The following PBRM1 variants were observed in gnomAD, a reference collection of about 807,000 sequenced individuals.
The protein encoded by PBRM1 is polybromo 1.
In PBRM1, 27 loss-of-function variants were observed where a neutral mutation model predicts 194.5. That is an observed-to-expected ratio of 0.14 (90% confidence interval 0.10 to 0.19). PBRM1 has a LOEUF of 0.19. PBRM1 is among the 10% of genes least tolerant of loss of function. The probability of loss-of-function intolerance (pLI) is 1.00; values close to 1 mark genes in which losing one functional copy is unlikely to be tolerated. For missense variants in PBRM1, 1,466 were observed against 2,077.2 expected (o/e 0.71, Z 5.72); for synonymous variants, 655 against 693.2 (o/e 0.94, Z 0.87).
intron 5 of PBRM1, among the ~76,000 whole-genome samples, chr3:52,653,016 C>T (rs987073720): frequency 4.6e-5 from 7 of 152,014 alleles, no homozygotes; most frequent in Admixed American, 3.3e-4. Flanking sequence ...AACAAAAATT[C>T]TAAATTCACA....
chr3:52,595,740 T>C (rs1040173445), intron 17 of PBRM1, among the ~76,000 whole-genome samples: 8 of 152,220 alleles, frequency 5.3e-5, no homozygotes, highest in Non-Finnish European at 1.2e-4. Flanking sequence ...CAAGAAATTT[T>C]TGCCTAGTCC....
chr3:52,577,917 A>C (rs900507246), intron 21 of PBRM1, among the ~76,000 whole-genome samples: 13 of 152,106 alleles, frequency 8.5e-5, no homozygotes, highest in African/African-American at 1.2e-4. Flanking sequence ...AACTCAGTAA[A>C]AACCCAAATC....
chr3:52,675,435 T>C (rs1302656916), intron 2 of PBRM1, among the ~76,000 whole-genome samples: 1 of 152,214 alleles, frequency 6.6e-6, no homozygotes, highest in Non-Finnish European at 1.5e-5. Flanking sequence ...CAATATCCCT[T>C]ATGAATACTG....
intron 17 of PBRM1, among the ~76,000 whole-genome samples, chr3:52,591,942 T>C (rs899399122): frequency 6.9e-6 from 1 of 145,170 alleles, no homozygotes; most frequent in African/African-American, 2.6e-5. Flanking sequence ...TTCTCCTGCC[T>C]CAGCCTCCCA....
At chr3:52,582,805 C>CA in intron 20 of PBRM1, among the ~76,000 whole-genome samples, 1 of 151,822 alleles carries the variant, frequency 6.6e-6, no homozygotes, top group South Asian at 2.1e-4. Flanking sequence ...ACTGCTGGGT[C>CA]AAAGACACCG....
intron 2 of PBRM1, among the ~76,000 whole-genome samples, chr3:52,670,912 C>T (rs2096933293): frequency 6.6e-6 from 1 of 152,210 alleles, no homozygotes; most frequent in South Asian, 2.1e-4. Context: ...TATTTATTCT[C>T]CAGCCTCACT....
intron 16 of PBRM1, among the ~76,000 whole-genome samples, chr3:52,606,934 G>C (rs1035321206): frequency 6.6e-6 from 1 of 152,142 alleles, no homozygotes; most frequent in African/African-American, 2.4e-5. Flanking sequence ...CTCTTGTTAC[G>C]TCTCACTGTT....
intron 11 of PBRM1, among the ~76,000 whole-genome samples, chr3:52,632,478 A>G (rs2095650171): frequency 6.6e-6 from 1 of 152,108 alleles, no homozygotes; most frequent in South Asian, 2.1e-4. Context: ...GCTACTTGGG[A>G]GGCTGAGGCA....
upstream of PBRM1, among the ~76,000 whole-genome samples, chr3:52,682,439 A>C (rs547077399): frequency 6.6e-6 from 1 of 152,022 alleles, no homozygotes; most frequent in Admixed American, 6.5e-5. Context: ...TAAATAATCC[A>C]CTGAAAATCA....
chr3:52,572,148 C>T (rs1016607823), intron 22 of PBRM1, among the ~76,000 whole-genome samples: 1 of 148,086 alleles, frequency 6.8e-6, no homozygotes, highest in African/African-American at 2.5e-5. Context: ...AAAAAAGGCC[C>T]TTTTGTTTTT....
At chr3:52,612,957 A>G (rs939376045) in intron 15 of PBRM1, among the ~76,000 whole-genome samples, 4 of 152,038 alleles carry the variant, frequency 2.6e-5, no homozygotes, top group African/African-American at 9.7e-5. Context: ...ATAGAACTTA[A>G]TGAGAGTCTG....
chr3:52,589,977 C>T (rs2092857922), intron 17 of PBRM1, among the ~76,000 whole-genome samples: 1 of 151,790 alleles, frequency 6.6e-6, no homozygotes, highest in Non-Finnish European at 1.5e-5. Flanking sequence ...TACAGGCATG[C>T]ACCACCACGC....
At chr3:52,648,467 A>G (rs2153782849) in intron 6 of PBRM1, 25 bp from the exon 8 acceptor site, 1 of 1,269,774 alleles carries the variant, frequency 7.9e-7, no homozygotes, top group Non-Finnish European at 1.1e-6. Flanking sequence ...AAAATATAGC[A>G]GTTCCTTTTA....
chr3:52,591,511 G>GTTTTTTTTTTCT (rs2093043392), intron 17 of PBRM1, among the ~76,000 whole-genome samples: 1 of 71,842 alleles, frequency 1.4e-5, no homozygotes, highest in African/African-American at 5.5e-5. Context: ...TTTTGTCTTT[G>GTTTTTTTTTTCT]TTTTTTTTTT....
At chr3:52,635,221 C>T (rs1384196562) in intron 10 of PBRM1, among the ~76,000 whole-genome samples, 1 of 152,076 alleles carries the variant, frequency 6.6e-6, no homozygotes, top group African/African-American at 2.4e-5. Context: ...GCCACCACGC[C>T]TGGCCCTTTT....
At chr3:52,679,485 G>T in intron 1 of PBRM1, 89 bp downstream of exon 2, 1 of 1,176,424 alleles carries the variant, frequency 8.5e-7, no homozygotes, top group Non-Finnish European at 1.2e-6. Flanking sequence ...AAGTGGAGAT[G>T]CCTTGCATCG....
At chr3:52,591,098 G>A (rs1246997346) in intron 17 of PBRM1, among the ~76,000 whole-genome samples, 4 of 152,170 alleles carry the variant, frequency 2.6e-5, no homozygotes, top group Non-Finnish European at 4.4e-5. Flanking sequence ...AGTGATTTTT[G>A]TATACTGATT....
At chr3:52,634,516 T>C (rs1338891772) in intron 11 of PBRM1, 86 bp downstream of exon 12, 1 of 869,574 alleles carries the variant, frequency 1.1e-6, no homozygotes, top group Non-Finnish European at 1.9e-6. Context: ...TTTAATATCC[T>C]TATCCATTTT....
At chr3:52,614,604 T>C (rs1235984837) in intron 15 of PBRM1, among the ~76,000 whole-genome samples, 1 of 148,630 alleles carries the variant, frequency 6.7e-6, no homozygotes, top group Non-Finnish European at 1.5e-5. Flanking sequence ...AGAGTCTCAC[T>C]CTGTCGCCCA....
Sources: gnomAD v4.1 joint callset for allele counts (sites outside exome capture counted in the v4.1 genomes callset) on GRCh38, gnomAD v4.1.1 for gene constraint, MANE v1.5 for transcripts, NCBI Gene and HGNC (gene_info 2026-07-23, HGNC 2026-07-21) for gene names.